The following ATP9B variants were observed in gnomAD, a reference collection of about 807,000 sequenced individuals.
The protein encoded by ATP9B is ATPase phospholipid transporting 9B.
ATP9B carries 110 observed loss-of-function variants against 146.1 expected under a neutral mutation model. That is an observed-to-expected ratio of 0.75 (90% CI 0.65 to 0.88). The LOEUF is 0.88. Ranked by LOEUF, ATP9B falls within the 40% of genes least tolerant of loss-of-function variation. ATP9B has a pLI of 0.00. For missense variants in ATP9B, 1,499 were observed against 1,496.4 expected (o/e 1.00, Z -0.03); for synonymous variants, 604 against 569.7 (o/e 1.06, Z -0.86).
chr18:79,347,267 G>T (rs915612050), intron 23 of ATP9B, among the ~76,000 whole-genome samples: 1 of 152,236 alleles, frequency 6.6e-6, no homozygotes, highest in Non-Finnish European at 1.5e-5. Context: ...TCAAGCAAGC[G>T]TGGCTTTTTC....
chr18:79,363,999 G>A (rs998323817), intron 26 of ATP9B: 1 of 152,246 alleles, frequency 6.6e-6, no homozygotes, highest in African/African-American at 2.4e-5. Flanking sequence ...CGGGCGCGGT[G>A]GCTCACGCCT....
chr18:79,129,312 A>AAGCCAAGAACTGG (rs2094339081), intron 5 of ATP9B, among the ~76,000 whole-genome samples: 1 of 152,142 alleles, frequency 6.6e-6, no homozygotes, highest in African/African-American at 2.4e-5. Flanking sequence ...AGCGACATGC[A>AAGCCAAGAACTGG]AGCCAAGAAC....
intron 9 of ATP9B, among the ~76,000 whole-genome samples, chr18:79,201,838 C>T (rs1466303757): frequency 6.6e-6 from 1 of 152,070 alleles, no homozygotes; most frequent in Non-Finnish European, 1.5e-5. Context: ...GGATTACAGG[C>T]GTGAGTCACT....
chr18:79,280,308 G>A (rs34918533), intron 13 of ATP9B, among the ~76,000 whole-genome samples: 4,989 of 151,882 alleles, frequency 0.033, 128 homozygotes, highest in Non-Finnish European at 0.05. Flanking sequence ...GGAAAATAAA[G>A]GATCAAGCTG....
chr18:79,125,794 A>G (rs932050158), intron 4 of ATP9B, among the ~76,000 whole-genome samples: 2 of 152,216 alleles, frequency 1.3e-5, no homozygotes, highest in Admixed American at 1.3e-4. Context: ...CAGTTATATA[A>G]TAATGCACTA....
At chr18:79,222,845 C>T (rs577400872) in intron 11 of ATP9B, among the ~76,000 whole-genome samples, 13 of 152,104 alleles carry the variant, frequency 8.5e-5, no homozygotes, top group African/African-American at 2.4e-4. Flanking sequence ...GTAATGGACT[C>T]GTTTATAAAA....
chr18:79,304,203 G>A (rs542101192), intron 14 of ATP9B, among the ~76,000 whole-genome samples: 44 of 152,004 alleles, frequency 2.9e-4, no homozygotes, highest in Non-Finnish European at 5.0e-4. Flanking sequence ...TCATCTGTAG[G>A]TGTTCTTCAT....
At position 79,377,180 on chromosome 18, in the gene ATP9B, G is replaced by C. The variant is rs193163090; in HGVS notation, c.3308-67G>C. The C allele has an allele frequency of 7.3e-4, 1,161 of 1,587,426 alleles. 8 individuals carry two copies. Among genetic ancestry groups the C allele is most frequent in the Non-Finnish European group, 1.2e-4 (141 of 1,166,126 alleles). The stretch of plus-strand genomic sequence containing the variant: ...GTCTGGTGGCCTGGCCAGGTCTGTG[G>C]CTGTGGCCATGAGGGCCCAGGACTT... On this transcript the variant is annotated intron_variant, in intron 29 of 29. Transcript: ENST00000426216.
intron 1 of ATP9B, among the ~76,000 whole-genome samples, chr18:79,095,112 T>C (rs1035227008): frequency 3.3e-5 from 5 of 152,204 alleles, no homozygotes; most frequent in South Asian, 2.1e-4. Flanking sequence ...GAATGTGCTA[T>C]AATTGCCTGC....
At chr18:79,071,051 T>TTTTC (rs1555723423) in intron 1 of ATP9B, among the ~76,000 whole-genome samples, 3 of 145,516 alleles carry the variant, frequency 2.1e-5, no homozygotes, top group African/African-American at 5.2e-5. Context: ...TCCTGTTTCT[T>TTTTC]TTTTTTTTTT....
intron 20 of ATP9B, among the ~76,000 whole-genome samples, chr18:79,343,443 T>C (rs1489928922): frequency 6.6e-6 from 1 of 152,220 alleles, no homozygotes; most frequent in Non-Finnish European, 1.5e-5. Context: ...TACATTGGTT[T>C]CTGAAATATT....
At chr18:79,275,651 G>C (rs571670716) in intron 12 of ATP9B, among the ~76,000 whole-genome samples, 1 of 152,252 alleles carries the variant, frequency 6.6e-6, no homozygotes, top group Non-Finnish European at 1.5e-5. Flanking sequence ...CGTCAGCATG[G>C]CCAGCCAGCA....
rs991320027 is a variant in ATP9B at position 79,073,183 on chromosome 18, A to G, written c.119+3654A>G. On this transcript the variant is annotated intron_variant, in intron 1 of 29. Transcript: ENST00000426216. ...CAGACGGGCTCCTCACATCCCAGACAATGGGTGGCCAGGCAGAGACGCTCC... is the reference window on the plus strand; with the variant it reads ...CAGACGGGCTCCTCACATCCCAGACGATGGGTGGCCAGGCAGAGACGCTCC... Among the ~76,000 whole-genome samples, 154 of 144,594 alleles carry G rather than the reference A, an allele frequency of 1.1e-3. 1 individual carries two copies. The highest frequency in any genetic ancestry group is 4.3e-4 in the Non-Finnish European group (28 of 65,520). The allele number at this position is 144,594 out of a possible 152,430, so 94.9% of individuals were successfully genotyped here.
At chr18:79,369,554 ATC>A (rs1207562882) in intron 26 of ATP9B, among the ~76,000 whole-genome samples, 3 of 142,412 alleles carry the variant, frequency 2.1e-5, no homozygotes, top group African/African-American at 7.7e-5. Flanking sequence ...AAAAAAAAAA[ATC>A]AGAGAACGTA....
At chr18:79,309,697 C>T (rs2096642171) in intron 15 of ATP9B, among the ~76,000 whole-genome samples, 2 of 152,192 alleles carry the variant, frequency 1.3e-5, no homozygotes, top group African/African-American at 4.8e-5. Flanking sequence ...GAGTGATCCC[C>T]AGCAGGTAGA....
intron 7 of ATP9B, among the ~76,000 whole-genome samples, chr18:79,171,885 T>TG (rs59288207): frequency 1.9e-5 from 2 of 103,118 alleles, no homozygotes; most frequent in African/African-American, 5.2e-5. Context: ...CTCGTTTTTT[T>TG]TTGTTTGTTT....
intron 15 of ATP9B, among the ~76,000 whole-genome samples, chr18:79,320,175 C>T (rs561113292): frequency 2.6e-5 from 4 of 152,226 alleles, no homozygotes; most frequent in Admixed American, 6.5e-5. Context: ...AGAAATAAGT[C>T]GTTGTGCTTG....
chr18:79,297,182 A>G (rs376249596), intron 13 of ATP9B, among the ~76,000 whole-genome samples: 28 of 148,870 alleles, frequency 1.9e-4, no homozygotes, highest in African/African-American at 6.2e-4. Context: ...ACAAAGAGAG[A>G]TGACCCAGAG....
chr18:79,157,396 C>CAAAAAAAAAAA lies in ATP9B; in HGVS notation c.778+2859_778+2869dup, dbSNP rs147316668. Among the ~76,000 whole-genome samples the CAAAAAAAAAAA allele has an allele frequency of 3.6e-3, 174 of 48,564 alleles. 9 individuals carry two copies. The highest frequency in any genetic ancestry group is 0.03 in the East Asian group (21 of 698). 31.9% of individuals were successfully genotyped at this position (48,564 alleles called of 152,430 possible). A position where few individuals can be genotyped will look rare whatever the true frequency, so the allele number is the denominator to read the frequency against. ...GGGTGACGAGAGTGAAACTCCATCTCAAAAAAAAAAAAAAAAAAAAAAAAA... is the reference window on the plus strand; with the variant it reads ...GGGTGACGAGAGTGAAACTCCATCTCAAAAAAAAAAAAAAAAAAAAAAAAAAAAAAAAAAAA... On this transcript the variant is annotated intron_variant, in intron 7 of 29. Transcript: ENST00000426216.
Sources: gnomAD v4.1 joint callset for allele counts (sites outside exome capture counted in the v4.1 genomes callset) on GRCh38, gnomAD v4.1.1 for gene constraint, MANE v1.5 for transcripts, NCBI Gene and HGNC (gene_info 2026-07-23, HGNC 2026-07-21) for gene names.